MAST3: variants seen among roughly 807,000 people sequenced by gnomAD.
The protein encoded by MAST3 is microtubule associated serine/threonine kinase 3, also known as microtubule-associated serine/threonine-protein kinase 3.
A neutral mutation model predicts 127.0 loss-of-function variants in MAST3; 43 were observed. That is an observed-to-expected ratio of 0.34 (90% CI 0.27 to 0.44). The LOEUF (loss-of-function observed/expected upper bound fraction) is 0.44, where lower values mean the gene tolerates loss of function less well. Among genes scored for constraint, MAST3 ranks in the 20% least tolerant of loss-of-function variants. The pLI, the probability that MAST3 is intolerant of heterozygous loss-of-function variation, is 1.00. For synonymous variants in MAST3, 785 were observed against 809.2 expected (o/e 0.97, Z 0.51); for missense variants, 1,390 against 1,919.1 (o/e 0.72, Z 5.15).
rs368255405 is a variant in MAST3, at chr19:18,149,252, T to G, written c.3570T>G (p.Ala1190=). Residue 1190 remains alanine (A), a synonymous_variant, in exon 28 of 28, where the codon GCT becomes GCG. Coordinates refer to ENST00000687212, the MANE Select transcript of MAST3 (RefSeq NM_001393504.1). The surrounding 1 kb of genome is among the most constrained non-coding windows in gnomAD (Gnocchi z 5.9). ...PSSSSPASPA[A]AGHTRPSSLH... ...CCAGCAGCCCCGCCTCCCCAGCTGC[T>G]GCTGGCCACACCCGCCCCAGCTCCC... is the stretch of plus-strand genomic sequence containing the variant. 6.5e-7 allele frequency: 1 copy of G among 1,549,386 alleles called. No individual in the cohort carries two copies. Among genetic ancestry groups the G allele is most frequent in the Non-Finnish European group, 8.7e-7 (1 of 1,150,996 alleles).
At chr19:18,122,286 C>G (rs943887792) in intron 5 of MAST3, among the ~76,000 whole-genome samples, 8 of 152,154 alleles carry the variant, frequency 5.3e-5, no homozygotes, top group Admixed American at 4.6e-4. Context: ...ATTCATACAA[C>G]AACATTCATT....
chr19:18,118,231 C>T, intron 3 of MAST3: 1 of 985,404 alleles, frequency 1.0e-6, no homozygotes, highest in Non-Finnish European at 1.2e-6. Flanking sequence ...TGGCAAAAGG[C>T]GCGCTGCTGC....
Position 18,110,634 on chromosome 19 carries a change from C to T in MAST3, c.72-18C>T, listed in dbSNP as rs1331722233. On this transcript the variant is annotated intron_variant, in intron 2 of 27. Coordinates refer to ENST00000687212, the MANE Select transcript of MAST3 (RefSeq NM_001393504.1). The surrounding 1 kb of genome is among the most constrained non-coding windows in gnomAD (Gnocchi z 4.3). ...GGGCGGCCGCCAGGTTCACCGTCCCCGGCCTCTTTCTTTGCAGTCTGTCTC... is the reference window on the plus strand; with the variant it reads ...GGGCGGCCGCCAGGTTCACCGTCCCTGGCCTCTTTCTTTGCAGTCTGTCTC... 4 of 980,502 alleles carry T rather than the reference C, an allele frequency of 4.1e-6. No homozygotes were observed. The highest frequency in any genetic ancestry group is 1.1e-4 in the East Asian group (1 of 8,774). 60.7% of individuals were successfully genotyped at this position (980,502 alleles called of 1,614,324 possible). A position where few individuals can be genotyped will look rare whatever the true frequency, so the allele number is the denominator to read the frequency against.
chr19:18,130,414 G>A (rs2041151489), intron 13 of MAST3, 80 bp from the exon 14 acceptor site: 1 of 1,297,314 alleles, frequency 7.7e-7, no homozygotes. Context: ...AGGCAGGTTG[G>A]GATCTGGGCT....
In MAST3 at chr19:18,144,327, G is replaced by A; in HGVS notation, c.2585-139G>A. 1.3e-6 allele frequency: 1 copy of A among 781,938 alleles called. No individual in the cohort carries two copies. Among genetic ancestry groups the A allele is most frequent in the African/African-American group, 1.7e-5 (1 of 57,360 alleles). 48.4% of individuals were successfully genotyped at this position (781,938 alleles called of 1,614,324 possible). A position where few individuals can be genotyped will look rare whatever the true frequency, so the allele number is the denominator to read the frequency against. On this transcript the variant is annotated intron_variant, in intron 22 of 27. Transcript: ENST00000687212. The surrounding 1 kb of genome is among the most constrained non-coding windows in gnomAD (Gnocchi z 4.0). ...ATAGAGAATAATTTGGGAAGGGAGT[G>A]CAGGAAGAGGGAACTGCATGAGCAA...
rs759591389 is a variant in MAST3 at position 18,135,760 on chromosome 19, G to A, written c.1891G>A (p.Gly631Arg). ...TTTAGATGAGATCATGTGGCCAGAG[G>A]GAGATGAGGCCCTTCCAGCAGACGC... ...VVSDEIMWPE[G>R]DEALPADAQD... The change falls in exon 18 of 28, where the codon GGA (glycine) becomes AGA (arginine). Residue 631 changes from glycine (G) to arginine (R), a missense_variant. Physicochemically the swap from Gly to Arg is moderately radical, Grantham distance 125. This residue lies in a region of MAST3 where 191 missense variants were observed against 409.0 expected (regional missense o/e 0.47). Coordinates refer to ENST00000687212, the MANE Select transcript of MAST3 (RefSeq NM_001393504.1). The A allele has an allele frequency of 6.2e-7, 1 of 1,612,152 alleles. No homozygotes were observed. Among genetic ancestry groups the A allele is most frequent in the Non-Finnish European group, 8.5e-7 (1 of 1,179,082 alleles).
intron 11 of MAST3, among the ~76,000 whole-genome samples, 157 bp downstream of exon 11, chr19:18,124,931 A>C (rs146247604): frequency 4.5e-4 from 61 of 135,690 alleles, no homozygotes; most frequent in South Asian, 7.0e-4. Flanking sequence ...CATGGTGGAA[A>C]CCCCCCCCCT....
chr19:18,146,306 A>G (rs1019624518), intron 25 of MAST3, among the ~76,000 whole-genome samples: 1 of 152,200 alleles, frequency 6.6e-6, no homozygotes, highest in African/African-American at 2.4e-5. Flanking sequence ...TTAGCTAGGC[A>G]TGGTGGCATG....
chr19:18,131,447 T>A lies in MAST3; in HGVS notation c.1433-462T>A, dbSNP rs1177886199. On this transcript the variant is annotated intron_variant, in intron 14 of 27. Coordinates refer to ENST00000687212, the MANE Select transcript of MAST3 (RefSeq NM_001393504.1). ...CAGGCGCGGTGGCCAACGCCTGTAA[T>A]CTCAGCACTTTGGGAGGCCAAGGCT... Among the ~76,000 whole-genome samples the A allele has an allele frequency of 3.6e-5, 5 of 139,724 alleles. 1 individual carries two copies. The highest frequency in any genetic ancestry group is 1.3e-4 in the African/African-American group (5 of 38,108). 91.7% of individuals were successfully genotyped at this position (139,724 alleles called of 152,430 possible). A position where few individuals can be genotyped will look rare whatever the true frequency, so the allele number is the denominator to read the frequency against.
chr19:18,143,822 G>C lies in MAST3; in HGVS notation c.2399G>C (p.Arg800Pro), dbSNP rs762333073. 3 of 1,613,730 alleles carry C rather than the reference G, an allele frequency of 1.9e-6. No individual in the cohort carries two copies. The highest frequency in any genetic ancestry group is 2.5e-6 in the Non-Finnish European group (3 of 1,179,868). ...SCQSSSSQPE[R>P]GPSPSLLNTI... ...CAGTCATCTTCGTCCCAGCCCGAGC[G>C]GGGTCCCAGCCCATCTCTCCTGAAT... The change falls in exon 22 of 28, where the codon CGG (arginine) becomes CCG (proline). Residue 800 changes from arginine (R) to proline (P), a missense_variant. Around this residue, in one of 5 missense-constraint regions of MAST3, gnomAD observed 816 missense variants for 934.1 expected, o/e 0.87. Coordinates refer to ENST00000687212, the MANE Select transcript of MAST3 (RefSeq NM_001393504.1).
Position 18,149,427 on chromosome 19 carries a change from G to C in MAST3, c.3745G>C (p.Ala1249Pro), listed in dbSNP as rs1032549257. 2.0e-6 allele frequency: 3 copies of C among 1,495,068 alleles called. No individual in the cohort carries two copies. The highest frequency in any genetic ancestry group is 2.7e-6 in the Non-Finnish European group (3 of 1,128,522). The allele number at this position is 1,495,068 out of a possible 1,614,324, so 92.6% of individuals were successfully genotyped here. Residue 1249 changes from alanine to proline, a missense_variant, in exon 28 of 28, where the codon GCA becomes CCA. Ala to Pro is a conservative substitution (Grantham distance 27). This residue lies in a region of MAST3 where 816 missense variants were observed against 934.1 expected (regional missense o/e 0.87). Transcript: ENST00000687212. This position sits in a 1 kb window ranked among gnomAD's most constrained non-coding sequence, Gnocchi z 5.9. Reference sequence around the variant, plus strand: ...CTCGCCCCTGCCCGGGCACCCGCCCGCACCTGCCCGATCCCCGCGGCTGCG... The same window carrying C: ...CTCGCCCCTGCCCGGGCACCCGCCCCCACCTGCCCGATCCCCGCGGCTGCG... The part of the protein sequence containing the change: ...SPSPLPGHPP[A>P]PARSPRLRRG...
At chr19:18,129,032 C>A in intron 13 of MAST3, 81 bp downstream of exon 13, 1 of 1,214,216 alleles carries the variant, frequency 8.2e-7, no homozygotes, top group East Asian at 2.3e-5. Context: ...CTGCATCCCC[C>A]TCCTACCCCA....
At chr19:18,107,786 A>C (rs2038190963) in intron 2 of MAST3, among the ~76,000 whole-genome samples, 168 bp downstream of exon 2, 1 of 152,130 alleles carries the variant, frequency 6.6e-6, no homozygotes, top group Admixed American at 6.6e-5. Flanking sequence ...CTGGCCTCTC[A>C]CCACAAACAT....
In MAST3 at chr19:18,147,557, G is replaced by A. The variant is rs764399923; in HGVS notation, c.3441G>A (p.Ser1147=). ...CATCCAGTGAGAGCCTCCCCGGCTCGCCCACCCACAGCCTCTCCCCCAGCC... is the reference window on the plus strand; with the variant it reads ...CATCCAGTGAGAGCCTCCCCGGCTCACCCACCCACAGCCTCTCCCCCAGCC... ...SLSSSESLPG[S]PTHSLSPSPT... is the part of the protein sequence containing the mutation. The change falls in exon 27 of 28, where the codon TCG becomes TCA. Residue 1147 remains serine, a synonymous_variant. Transcript: ENST00000687212. The A allele has an allele frequency of 1.8e-5, 28 of 1,590,078 alleles. No homozygotes were observed. Among genetic ancestry groups the A allele is most frequent in the Admixed American group, 3.6e-5 (2 of 56,334 alleles).
intron 6 of MAST3, 60 bp downstream of exon 6, chr19:18,122,811 T>G: frequency 6.6e-7 from 1 of 1,514,356 alleles, no homozygotes; most frequent in Non-Finnish European, 9.1e-7. Flanking sequence ...GGGGGACACA[T>G]CTTTGTGTGT....
Position 18,123,346 on chromosome 19 carries a change from C to T in MAST3, c.529C>T (p.Arg177Cys), listed in dbSNP as rs781661671. Residue 177 changes from arginine (R) to cysteine (C), a missense_variant, in exon 7 of 28, where the codon CGC (arginine) becomes TGC (cysteine). Transcript: ENST00000687212. ...TGATGAGGAAGGCGGCCGGTCACCC[C>T]GCCTCCGACCCCGCTCTCGCAGTCT... Reference protein sequence around the residue: ...VLDEEGGRSPRLRPRSRSLSP... With the variant: ...VLDEEGGRSPCLRPRSRSLSP... The T allele has an allele frequency of 1.1e-4, 177 of 1,612,902 alleles. No homozygotes were observed. Among genetic ancestry groups the T allele is most frequent in the Non-Finnish European group, 1.4e-4 (162 of 1,179,766 alleles).
At position 18,110,068 on chromosome 19, in the gene MAST3, C is replaced by T; in HGVS notation, c.72-584C>T. 1.0e-6 allele frequency: 1 copy of T among 985,310 alleles called. No homozygotes were observed. The highest frequency in any genetic ancestry group is 1.2e-6 in the Non-Finnish European group (1 of 829,884). 61.0% of individuals were successfully genotyped at this position (985,310 alleles called of 1,614,324 possible). The stretch of plus-strand genomic sequence containing the variant: ...AGACAGGGCGGCACCCGCGGCTCCC[C>T]TTTCCCGCTGCGCGACCCTCGCTGC... On this transcript the variant is annotated intron_variant, in intron 2 of 27. Coordinates refer to ENST00000687212, the MANE Select transcript of MAST3 (RefSeq NM_001393504.1). The surrounding 1 kb of genome is among the most constrained non-coding windows in gnomAD (Gnocchi z 4.3).
At chr19:18,132,380 G>A (rs561175085) in intron 15 of MAST3, among the ~76,000 whole-genome samples, 4 of 152,264 alleles carry the variant, frequency 2.6e-5, no homozygotes, top group African/African-American at 7.2e-5. Flanking sequence ...AAGGGGCTGC[G>A]CACCCAGAGC....
rs776783269 is a variant in MAST3 at position 18,145,239 on chromosome 19, G to A, written c.3039+10G>A. On this transcript the variant is annotated intron_variant, in intron 24 of 27. Coordinates refer to ENST00000687212, the MANE Select transcript of MAST3 (RefSeq NM_001393504.1). This position sits in a 1 kb window ranked among gnomAD's most constrained non-coding sequence, Gnocchi z 5.9. ...GCACCACGTCGTCTGGGTGAGTGCC[G>A]AGTGGGAATGGCAGGGACCCGGGTT... 8.1e-6 allele frequency: 13 copies of A among 1,609,868 alleles called. No individual in the cohort carries two copies. The highest frequency in any genetic ancestry group is 3.3e-5 in the South Asian group (3 of 91,030).
Sources: allele counts gnomAD v4.1 joint callset (sites outside exome capture counted in the v4.1 genomes callset), GRCh38; gene constraint gnomAD v4.1.1; regional missense constraint gnomAD v4.1.1; non-coding constraint Gnocchi (gnomAD v3.1); transcripts MANE v1.5; gene names NCBI Gene and HGNC (gene_info 2026-07-23, HGNC 2026-07-21).